The following RXFP1 variants were observed in gnomAD, a reference collection of about 807,000 sequenced individuals.
The protein encoded by RXFP1 is relaxin receptor 1.
In RXFP1, 73 loss-of-function variants were observed where a neutral mutation model predicts 89.8. The ratio of observed to expected loss-of-function variants is 0.81; its 90% CI spans 0.67 to 0.99. The LOEUF is 0.99. Ranked by LOEUF, RXFP1 falls within the 50% of genes least tolerant of loss-of-function variation. The pLI, the probability that RXFP1 is intolerant of heterozygous loss-of-function variation, is 0.00. For missense variants in RXFP1, 793 were observed against 895.5 expected (o/e 0.89, Z 1.46); for synonymous variants, 277 against 305.5 (o/e 0.91, Z 0.97).
rs1293432344 is a variant in RXFP1, at chr4:158,652,038, C to T, written c.2257C>T (p.Leu753Phe). 1 of 1,611,584 alleles carries T rather than the reference C, an allele frequency of 6.2e-7. No individual in the cohort carries two copies. The highest frequency in any genetic ancestry group is 1.3e-5 in the African/African-American group (1 of 74,968). ...GTCACTGATTTCTCAATCAACGAGA[C>T]TCAATTCCTATTCATGACTGACTCT... is the stretch of plus-strand genomic sequence containing the variant. Reference protein sequence around the residue: ...EMSLISQSTRLNSYS With the variant: ...EMSLISQSTRFNSYS The change falls in exon 18 of 18, where the codon CTC becomes TTC. Residue 753 changes from leucine (L) to phenylalanine (F), a missense_variant. Physicochemically the swap from Leu to Phe is conservative, Grantham distance 22 (BLOSUM62 0). Transcript: ENST00000307765.
At chr4:158,572,163 C>T (rs1261807928) in intron 1 of RXFP1, among the ~76,000 whole-genome samples, 3 of 152,304 alleles carry the variant, frequency 2.0e-5, no homozygotes, top group African/African-American at 4.8e-5. Context: ...CCGGCTTTCT[C>T]ATCATGAGGA....
In RXFP1 at chr4:158,623,990, TG is replaced by T. The variant is rs201922366; in HGVS notation, c.756-2824del. 7.0e-3 allele frequency among the ~76,000 whole-genome samples: 1,068 copies of T among 152,212 alleles called. 11 individuals carry two copies. Among genetic ancestry groups the T allele is most frequent in the African/African-American group, 0.025 (1,038 of 41,540 alleles). The stretch of plus-strand genomic sequence containing the variant: ...TGCCCAACTCTAGATTTTTTTTTCC[TG>T]GGGGGAAAAAACCCCAACAACTCTG... On this transcript the variant is annotated intron_variant, in intron 9 of 17. Transcript: ENST00000307765.
chr4:158,639,273 AT>A lies in RXFP1; in HGVS notation c.1059del (p.Ile353MetfsTer15). 1 of 1,548,178 alleles carries A rather than the reference AT, an allele frequency of 6.5e-7. No individual in the cohort carries two copies. The highest frequency in any genetic ancestry group is 8.9e-7 in the Non-Finnish European group (1 of 1,120,164). ...VKLKSLSLEG[I>X]EISNIQQRMF... ...TGATATTTTTAGCAGCCTAGAAGGGATTGAAATTTCAAATATCCAACAAAGG... is the reference window on the plus strand; with the variant it reads ...TGATATTTTTAGCAGCCTAGAAGGGATGAAATTTCAAATATCCAACAAAGG... On this transcript the variant is annotated frameshift_variant, in exon 14 of 18. Transcript: ENST00000307765. LOFTEE classifies it high-confidence loss of function.
rs1470267753 is a variant in RXFP1, at chr4:158,522,365, T to G, written c.49+340T>G. ...AAGGAATATATTCATTGAAAACTCC[T>G]AGGAAAGTTCTCACATTTGTGCCAG... On this transcript the variant is annotated intron_variant, in intron 1 of 17. Transcript: ENST00000307765. 2.6e-5 allele frequency among the ~76,000 whole-genome samples: 4 copies of G among 152,244 alleles called. 1 individual carries two copies. The South Asian group carries it at 8.3e-4, about 32-fold the overall frequency.
Position 158,632,216 on chromosome 4 carries a change from A to T in RXFP1, c.900-1189A>T, listed in dbSNP as rs1476842995. Among the ~76,000 whole-genome samples the T allele has an allele frequency of 2.0e-5, 3 of 152,230 alleles. No individual in the cohort carries two copies. The East Asian group carries it at 5.8e-4, about 29-fold the overall frequency. On this transcript the variant is annotated intron_variant, in intron 11 of 17. Coordinates refer to ENST00000307765, the MANE Select transcript of RXFP1 (RefSeq NM_021634.4). Reference sequence around the variant, plus strand: ...ACCGATAAATATGTAACTAACAGCAATAGTCTCCAGGTTCAGTTTGCAGCA... The same window carrying T: ...ACCGATAAATATGTAACTAACAGCATTAGTCTCCAGGTTCAGTTTGCAGCA...
intron 9 of RXFP1, among the ~76,000 whole-genome samples, chr4:158,621,916 A>G (rs1308841336): frequency 6.6e-6 from 1 of 152,218 alleles, no homozygotes; most frequent in Non-Finnish European, 1.5e-5. Context: ...AGAGATGACG[A>G]GTGTTGACAA....
At chr4:158,647,251 A>C in intron 16 of RXFP1, 50 bp downstream of exon 16, 1 of 1,446,290 alleles carries the variant, frequency 6.9e-7, no homozygotes. Flanking sequence ...CAAATCTTCC[A>C]ACCAGTTTTT....
At position 158,643,468 on chromosome 4, in the gene RXFP1, G is replaced by GTTTTTTTTTTTTTTTT. The variant is rs59869659; in HGVS notation, c.1116-1437_1116-1422dup. Among the ~76,000 whole-genome samples, 2 of 112,816 alleles carry GTTTTTTTTTTTTTTTT rather than the reference G, an allele frequency of 1.8e-5. 1 individual carries two copies. Among genetic ancestry groups the GTTTTTTTTTTTTTTTT allele is most frequent in the Non-Finnish European group, 3.3e-5 (2 of 59,718 alleles). 74.0% of individuals were successfully genotyped at this position (112,816 alleles called of 152,430 possible). ...AATGGGATTCCTGGATCATATGCTAGTTTTTTTTTTTTTTTTTTTGGAGAC... is the reference window on the plus strand; with the variant it reads ...AATGGGATTCCTGGATCATATGCTAGTTTTTTTTTTTTTTTTTTTTTTTTTTTTTTTTTTTGGAGAC... On this transcript the variant is annotated intron_variant, in intron 14 of 17. Transcript: ENST00000307765.
At position 158,647,036 on chromosome 4, in the gene RXFP1, G is replaced by C; in HGVS notation, c.1591G>C (p.Val531Leu). 1.2e-6 allele frequency: 2 copies of C among 1,614,088 alleles called. No individual in the cohort carries two copies. The highest frequency in any genetic ancestry group is 1.7e-6 in the Non-Finnish European group (2 of 1,179,996). The change falls in exon 16 of 18, where the codon GTT (valine) becomes CTT (leucine). Residue 531 changes from valine to leucine, a missense_variant. Transcript: ENST00000307765. ...VRPGKCRTITVLILIWITGFI... is the reference protein window; with the variant it reads ...VRPGKCRTITLLILIWITGFI... ...ACCTGGAAAATGCAGAACAATTACA[G>C]TTCTGATTCTCATTTGGATTACTGG...
chr4:158,649,576 AC>A (rs763742514), intron 17 of RXFP1, among the ~76,000 whole-genome samples: 2 of 152,094 alleles, frequency 1.3e-5, no homozygotes, highest in Non-Finnish European at 1.5e-5. Flanking sequence ...GCACCACTGC[AC>A]TCCCGTCTGG....
intron 1 of RXFP1, among the ~76,000 whole-genome samples, chr4:158,537,470 C>G (rs374320591): frequency 6.6e-6 from 1 of 152,044 alleles, no homozygotes; most frequent in Non-Finnish European, 1.5e-5. Context: ...ACATCAGGCC[C>G]GAAGTGCCCT....
intron 1 of RXFP1, among the ~76,000 whole-genome samples, chr4:158,535,039 C>T (rs1304914293): frequency 1.3e-5 from 2 of 150,946 alleles, no homozygotes; most frequent in Non-Finnish European, 2.9e-5. Context: ...AACGAGAATT[C>T]CTATTCCCAT....
At position 158,652,041 on chromosome 4, in the gene RXFP1, A is replaced by G. The variant is rs191208964; in HGVS notation, c.2260A>G (p.Asn754Asp). 69 of 1,611,338 alleles carry G rather than the reference A, an allele frequency of 4.3e-5. 2 individuals carry two copies. In the East Asian group the frequency reaches 6.7e-4, roughly 16 times the overall value. The change falls in exon 18 of 18, where the codon AAT becomes GAT. Residue 754 changes from asparagine to aspartate, a missense_variant. By Grantham distance (23) the Asn-to-Asp change is conservative. Coordinates refer to ENST00000307765, the MANE Select transcript of RXFP1 (RefSeq NM_021634.4). ...ACTGATTTCTCAATCAACGAGACTC[A>G]ATTCCTATTCATGACTGACTCTGAA... ...MSLISQSTRLNSYS is the reference protein window; with the variant it reads ...MSLISQSTRLDSYS
At chr4:158,619,391 A>T (rs1459167385) in intron 9 of RXFP1, among the ~76,000 whole-genome samples, 8 of 152,188 alleles carry the variant, frequency 5.3e-5, no homozygotes. Context: ...AAGCAACAAG[A>T]AGATGTGGGA....
intron 6 of RXFP1, among the ~76,000 whole-genome samples, chr4:158,610,448 A>C (rs891629985): frequency 5.3e-5 from 8 of 152,200 alleles, no homozygotes; most frequent in Non-Finnish European, 1.2e-4. Flanking sequence ...CAGGTAGAGC[A>C]CTGAGCTATC....
In RXFP1 at chr4:158,648,486, G is replaced by A. The variant is rs768968013; in HGVS notation, c.1757-13G>A. 18 of 1,470,002 alleles carry A rather than the reference G, an allele frequency of 1.2e-5. No homozygotes were observed. The Middle Eastern group carries it at 2.3e-3, about 190-fold the overall frequency. The allele number at this position is 1,470,002 out of a possible 1,614,324, so 91.1% of individuals were successfully genotyped here. A position where few individuals can be genotyped will look rare whatever the true frequency, so the allele number is the denominator to read the frequency against. ...TTTCTATGCATTAATAATACTGTTTGTATTCCAAATAGGTATTAATTTGGC... is the reference window on the plus strand; with the variant it reads ...TTTCTATGCATTAATAATACTGTTTATATTCCAAATAGGTATTAATTTGGC... On this transcript the variant is annotated splice_polypyrimidine_tract_variant and intron_variant, in intron 16 of 17. Coordinates refer to ENST00000307765, the MANE Select transcript of RXFP1 (RefSeq NM_021634.4).
At chr4:158,614,462 T>C (rs1764170057) in intron 8 of RXFP1, among the ~76,000 whole-genome samples, 1 of 152,246 alleles carries the variant, frequency 6.6e-6, no homozygotes, top group Admixed American at 6.5e-5. Flanking sequence ...TGCCGCAGCT[T>C]CTCTATTAGT....
intron 3 of RXFP1, among the ~76,000 whole-genome samples, chr4:158,594,733 T>A (rs948291466): frequency 2.6e-5 from 4 of 152,160 alleles, no homozygotes; most frequent in African/African-American, 9.7e-5. Flanking sequence ...ATTTTAAACA[T>A]GTATTTTTTA....
upstream of RXFP1, chr4:158,521,767 G>A: frequency 1.9e-6 from 1 of 531,644 alleles, no homozygotes. Context: ...GGGCGGGGAG[G>A]AGAGATCCTG....
Sources: allele counts gnomAD v4.1 joint callset (sites outside exome capture counted in the v4.1 genomes callset), GRCh38; gene constraint gnomAD v4.1.1; transcripts MANE v1.5; gene names NCBI Gene and HGNC (gene_info 2026-07-23, HGNC 2026-07-21).